The following PLEKHA8 variants were observed in gnomAD, a reference collection of about 807,000 sequenced individuals.
PLEKHA8 encodes the protein pleckstrin homology domain-containing family A member 8.
Under a neutral mutation model 68.2 loss-of-function variants are expected in PLEKHA8, and 36 were observed. The observed-to-expected ratio is 0.53, with a 90% CI of 0.40 to 0.70. PLEKHA8 has a LOEUF of 0.70. Ranked by LOEUF, PLEKHA8 falls within the 30% of genes least tolerant of loss-of-function variation. The pLI is 0.00. For synonymous variants in PLEKHA8, 211 were observed against 216.1 expected (o/e 0.98, Z 0.20); for missense variants, 505 against 615.4 (o/e 0.82, Z 1.90).
intron 12 of PLEKHA8, among the ~76,000 whole-genome samples, chr7:30,065,002 T>C (rs1318993944): frequency 1.3e-5 from 2 of 152,156 alleles, no homozygotes; most frequent in East Asian, 3.9e-4. Context: ...GGAAACAGGA[T>C]ATACCATTTC....
At chr7:30,117,169 G>A (rs1365590537) in intron 13 of PLEKHA8, among the ~76,000 whole-genome samples, 2 of 152,148 alleles carry the variant, frequency 1.3e-5, no homozygotes, top group Admixed American at 1.3e-4. Context: ...TTGGGAGACT[G>A]GGGTTCTCAG....
intron 13 of PLEKHA8, among the ~76,000 whole-genome samples, chr7:30,113,901 CT>C (rs748202008): frequency 0.015 from 2,091 of 139,742 alleles, 26 homozygotes; most frequent in African/African-American, 0.043. Context: ...CAAAATATTA[CT>C]TTTTTTTTTT....
intron 9 of PLEKHA8, among the ~76,000 whole-genome samples, chr7:30,056,949 A>G (rs1793039281): frequency 6.8e-6 from 1 of 147,774 alleles, no homozygotes; most frequent in African/African-American, 2.5e-5. Context: ...ATATTTATAT[A>G]TATAAAAAAG....
chr7:30,115,500 A>G (rs1317258812), intron 13 of PLEKHA8, among the ~76,000 whole-genome samples: 2 of 151,814 alleles, frequency 1.3e-5, no homozygotes, highest in African/African-American at 4.8e-5. Flanking sequence ...AGACATATGT[A>G]TACATATGTA....
rs1252246936 is a variant in PLEKHA8 at position 30,083,419 on chromosome 7, T to C, written c.*4632T>C. The C allele has an allele frequency of 7.1e-6, 7 of 985,044 alleles. No homozygotes were observed. In the East Asian group the frequency reaches 6.8e-4, roughly 96 times the overall value. 61.0% of individuals were successfully genotyped at this position (985,044 alleles called of 1,614,324 possible). A position where few individuals can be genotyped will look rare whatever the true frequency, so the allele number is the denominator to read the frequency against. On this transcript the variant is annotated 3_prime_UTR_variant, in exon 14 of 14. Coordinates refer to ENST00000449726, the MANE Select transcript of PLEKHA8 (RefSeq NM_001197026.2). Reference sequence around the variant, plus strand: ...AGTTCTTTCAACAATTCCATAAATATACTGTTTACTAGACCTTCCCTGTAA... The same window carrying C: ...AGTTCTTTCAACAATTCCATAAATACACTGTTTACTAGACCTTCCCTGTAA...
At chr7:30,075,709 C>T (rs1794570940) in intron 13 of PLEKHA8, among the ~76,000 whole-genome samples, 1 of 151,976 alleles carries the variant, frequency 6.6e-6, no homozygotes, top group Non-Finnish European at 1.5e-5. Context: ...CTTGAGTTGC[C>T]CCAAAACAAG....
chr7:30,059,425 G>A (rs144166308), intron 9 of PLEKHA8, among the ~76,000 whole-genome samples: 4 of 152,066 alleles, frequency 2.6e-5, no homozygotes, highest in Admixed American at 2.6e-4. Context: ...TTTTTTTCCT[G>A]TAATTTGTTA....
chr7:30,054,250 A>T (rs377724834), intron 7 of PLEKHA8, among the ~76,000 whole-genome samples: 1 of 152,230 alleles, frequency 6.6e-6, no homozygotes, highest in African/African-American at 2.4e-5. Context: ...AGTTTTCACC[A>T]CTTTGCACGT....
At position 30,028,708 on chromosome 7, in the gene PLEKHA8, G is replaced by T. The variant is rs1425911095; in HGVS notation, c.-55G>T. Reference sequence around the variant, plus strand: ...CTGCTGCTGGTGCTCCTCGCCTCTTGGGGCCTGGGGCAGTGAGGGGGCCGG... The same window carrying T: ...CTGCTGCTGGTGCTCCTCGCCTCTTTGGGCCTGGGGCAGTGAGGGGGCCGG... On this transcript the variant is annotated 5_prime_UTR_variant, in exon 1 of 14. Transcript: ENST00000449726. 3 of 1,209,852 alleles carry T rather than the reference G, an allele frequency of 2.5e-6. No homozygotes were observed. The African/African-American group carries it at 4.7e-5, about 19-fold the overall frequency. The allele number at this position is 1,209,852 out of a possible 1,614,324, so 74.9% of individuals were successfully genotyped here.
chr7:30,037,821 G>A (rs1043352294), intron 1 of PLEKHA8, among the ~76,000 whole-genome samples: 4 of 151,572 alleles, frequency 2.6e-5, no homozygotes, highest in African/African-American at 9.7e-5. Flanking sequence ...TTTAAGTTCA[G>A]GGGTACATGT....
In PLEKHA8 at chr7:30,079,911, TC is replaced by T. The variant is rs1794838548; in HGVS notation, c.*1125del. On this transcript the variant is annotated 3_prime_UTR_variant, in exon 14 of 14. Coordinates refer to ENST00000449726, the MANE Select transcript of PLEKHA8 (RefSeq NM_001197026.2). ...AAATGATATGTCCTTTTTTTTTTTT[TC>T]AAAGAGGATAAGGCTGCTATTTAAA... 4 of 981,864 alleles carry T rather than the reference TC, an allele frequency of 4.1e-6. No individual in the cohort carries two copies. Among genetic ancestry groups the T allele is most frequent in the African/African-American group, 1.8e-5 (1 of 57,060 alleles). The allele number at this position is 981,864 out of a possible 1,614,324, so 60.8% of individuals were successfully genotyped here. A position where few individuals can be genotyped will look rare whatever the true frequency, so the allele number is the denominator to read the frequency against.
chr7:30,039,312 C>T (rs543424622), intron 1 of PLEKHA8, among the ~76,000 whole-genome samples: 2 of 152,198 alleles, frequency 1.3e-5, no homozygotes, highest in East Asian at 3.9e-4. Context: ...GTCAGGAGTT[C>T]GAGAACAGCC....
intron 13 of PLEKHA8, among the ~76,000 whole-genome samples, chr7:30,077,735 A>T (rs1455074923): frequency 6.6e-6 from 1 of 152,178 alleles, no homozygotes; most frequent in African/African-American, 2.4e-5. Context: ...TATAAGGAAG[A>T]TCAGGAAAGC....
chr7:30,065,636 G>A (rs1793794002), intron 12 of PLEKHA8, among the ~76,000 whole-genome samples: 1 of 152,168 alleles, frequency 6.6e-6, no homozygotes, highest in Non-Finnish European at 1.5e-5. Context: ...AAAAGAGAGT[G>A]TGTGCAATTT....
chr7:30,070,132 T>G (rs1053555525), intron 12 of PLEKHA8, among the ~76,000 whole-genome samples: 1 of 92,750 alleles, frequency 1.1e-5, no homozygotes, highest in Non-Finnish European at 2.3e-5. Context: ...TTGGGAAGTG[T>G]TTTTTTTTTT....
At position 30,083,185 on chromosome 7, in the gene PLEKHA8, C is replaced by T. The variant is rs1236383665; in HGVS notation, c.*4398C>T. 1.0e-6 allele frequency: 1 copy of T among 983,122 alleles called. No homozygotes were observed. Among genetic ancestry groups the T allele is most frequent in the African/African-American group, 1.8e-5 (1 of 56,948 alleles). 60.9% of individuals were successfully genotyped at this position (983,122 alleles called of 1,614,324 possible). Reference sequence around the variant, plus strand: ...GATACTCTTTGTGATCTTGTAAGGGCTCTACACAAACTTCATTATGTATGG... The same window carrying T: ...GATACTCTTTGTGATCTTGTAAGGGTTCTACACAAACTTCATTATGTATGG... On this transcript the variant is annotated 3_prime_UTR_variant, in exon 14 of 14. Coordinates refer to ENST00000449726, the MANE Select transcript of PLEKHA8 (RefSeq NM_001197026.2).
At chr7:30,055,689 A>G (rs1389800552) in intron 9 of PLEKHA8, among the ~76,000 whole-genome samples, 1 of 152,166 alleles carries the variant, frequency 6.6e-6, no homozygotes, top group Non-Finnish European at 1.5e-5. Context: ...TTTTTGAGAC[A>G]GGCTCTTGCT....
At chr7:30,044,256 C>T (rs1791776814) in intron 1 of PLEKHA8, among the ~76,000 whole-genome samples, 1 of 152,090 alleles carries the variant, frequency 6.6e-6, no homozygotes, top group Non-Finnish European at 1.5e-5. Context: ...CCATCCACCT[C>T]GACCTCCCAA....
At chr7:30,124,238 TCTGA>T (rs1377138048) in intron 13 of PLEKHA8, among the ~76,000 whole-genome samples, 10 of 152,228 alleles carry the variant, frequency 6.6e-5, no homozygotes, top group South Asian at 2.1e-4. Flanking sequence ...TTATGTGGGT[TCTGA>T]CTATCAATAT....
Sources: allele counts gnomAD v4.1 joint callset (sites outside exome capture counted in the v4.1 genomes callset), GRCh38; gene constraint gnomAD v4.1.1; transcripts MANE v1.5; gene names NCBI Gene and HGNC (gene_info 2026-07-23, HGNC 2026-07-21).